The following CDK6 variants were observed in gnomAD, a reference collection of about 807,000 sequenced individuals.
CDK6 encodes the protein cyclin dependent kinase 6, also known as cyclin-dependent kinase 6.
Under a neutral mutation model 37.1 loss-of-function variants are expected in CDK6, and 6 were observed. The observed-to-expected ratio is 0.16, with a 90% confidence interval of 0.09 to 0.32. The LOEUF (loss-of-function observed/expected upper bound fraction) is 0.32, where lower values mean the gene tolerates loss of function less well. Among genes scored for constraint, CDK6 ranks in the 10% least tolerant of loss-of-function variants. CDK6 has a pLI of 1.00. For synonymous variants in CDK6, 160 were observed against 161.3 expected (o/e 0.99, Z 0.06); for missense variants, 224 against 418.9 (o/e 0.53, Z 4.06).
intron 4 of CDK6, among the ~76,000 whole-genome samples, chr7:92,697,633 C>T (rs547153495): frequency 6.6e-6 from 1 of 152,284 alleles, no homozygotes; most frequent in South Asian, 2.1e-4. Context: ...TCTACCACTG[C>T]AGAGAAGCCC....
intron 5 of CDK6, among the ~76,000 whole-genome samples, chr7:92,634,379 A>G (rs2116519746): frequency 6.6e-6 from 1 of 152,216 alleles, no homozygotes; most frequent in East Asian, 1.9e-4. Flanking sequence ...ATTCTGTTCC[A>G]TTAATGTCTG....
chr7:92,790,260 T>G (rs1287848888), intron 2 of CDK6, among the ~76,000 whole-genome samples: 1 of 152,142 alleles, frequency 6.6e-6, no homozygotes, highest in African/African-American at 2.4e-5. Context: ...TTTCCCCACA[T>G]GTTCAATCAA....
chr7:92,747,943 A>G (rs1236806022), intron 3 of CDK6, among the ~76,000 whole-genome samples: 1 of 152,256 alleles, frequency 6.6e-6, no homozygotes, highest in East Asian at 1.9e-4. Flanking sequence ...ATCAAATATT[A>G]GAACATTCTA....
chr7:92,729,058 T>C (rs1254030229), intron 3 of CDK6, among the ~76,000 whole-genome samples: 1 of 152,146 alleles, frequency 6.6e-6, no homozygotes, highest in Non-Finnish European at 1.5e-5. Flanking sequence ...TCATAAGATA[T>C]AGTCCCAATT....
chr7:92,678,720 C>T (rs1055095796), intron 4 of CDK6, among the ~76,000 whole-genome samples: 1 of 152,214 alleles, frequency 6.6e-6, no homozygotes, highest in Non-Finnish European at 1.5e-5. Flanking sequence ...GGTATGAACA[C>T]TGTGCTGGAT....
In CDK6 at chr7:92,615,119, C is replaced by T; in HGVS notation, c.*21G>A. On this transcript the variant is annotated 3_prime_UTR_variant, in exon 8 of 8. Transcript: ENST00000424848. ...CCAAGGGTGTTCTCCGCAGGATCAG[C>T]TTAAGGCGGCTGCTGAGGCCTCAGG... The T allele has an allele frequency of 6.2e-7, 1 of 1,612,862 alleles. No homozygotes were observed. Among genetic ancestry groups the T allele is most frequent in the South Asian group, 1.1e-5 (1 of 90,984 alleles).
intron 5 of CDK6, among the ~76,000 whole-genome samples, chr7:92,653,660 T>C (rs1796626450): frequency 6.6e-6 from 1 of 152,226 alleles, no homozygotes; most frequent in East Asian, 1.9e-4. Context: ...TTAATGATTT[T>C]CCCCCAAATA....
intron 4 of CDK6, among the ~76,000 whole-genome samples, chr7:92,704,838 AAG>A (rs368849843): frequency 3.9e-5 from 6 of 152,322 alleles, no homozygotes; most frequent in African/African-American, 1.2e-4. Context: ...GAATTTCTCT[AAG>A]GTATGTAACT....
intron 5 of CDK6, among the ~76,000 whole-genome samples, chr7:92,642,329 AG>A (rs1457403084): frequency 6.6e-6 from 1 of 152,098 alleles, no homozygotes; most frequent in Non-Finnish European, 1.5e-5. Flanking sequence ...GGTGGGATAT[AG>A]GGGGAGAGAT....
chr7:92,661,214 A>AAGTCAAAT (rs1796827584), intron 5 of CDK6, among the ~76,000 whole-genome samples: 2 of 152,314 alleles, frequency 1.3e-5, no homozygotes, highest in South Asian at 4.2e-4. Context: ...GAGGACTCTG[A>AAGTCAAAT]AGTCAAATAA....
Position 92,609,397 on chromosome 7 carries a change from A to C in CDK6, c.*5743T>G, listed in dbSNP as rs1795511397. Reference sequence around the variant, plus strand: ...AACTTCAAAAGTTAAGTATGTAGACACACTCCTAAGTTGTTATGCTCATAT... The same window carrying C: ...AACTTCAAAAGTTAAGTATGTAGACCCACTCCTAAGTTGTTATGCTCATAT... On this transcript the variant is annotated 3_prime_UTR_variant, in exon 8 of 8. Transcript: ENST00000424848. The C allele has an allele frequency of 4.3e-6, 1 of 230,716 alleles. No individual in the cohort carries two copies. The allele number at this position is 230,716 out of a possible 1,614,324, so 14.3% of individuals were successfully genotyped here.
At chr7:92,663,836 C>T (rs1174215877) in intron 5 of CDK6, among the ~76,000 whole-genome samples, 7 of 151,972 alleles carry the variant, frequency 4.6e-5, no homozygotes, top group Admixed American at 3.9e-4. Context: ...TGGATATTTC[C>T]TCACTCATAA....
At chr7:92,733,319 T>C (rs1307524503) in intron 3 of CDK6, among the ~76,000 whole-genome samples, 1 of 152,180 alleles carries the variant, frequency 6.6e-6, no homozygotes, top group African/African-American at 2.4e-5. Flanking sequence ...CCAGGAACCA[T>C]GGCTCATCCT....
At chr7:92,795,729 T>C (rs1800392532) in intron 2 of CDK6, among the ~76,000 whole-genome samples, 1 of 152,196 alleles carries the variant, frequency 6.6e-6, no homozygotes, top group African/African-American at 2.4e-5. Flanking sequence ...AGCCTATCTG[T>C]GTTTAAATGT....
intron 5 of CDK6, among the ~76,000 whole-genome samples, chr7:92,638,775 A>AC (rs991125280): frequency 8.6e-5 from 13 of 151,880 alleles, no homozygotes; most frequent in East Asian, 3.9e-4. Flanking sequence ...ATGTCTTTTG[A>AC]CCCCCCCAGA....
At chr7:92,672,184 G>GACACACACACACACACACAC (rs1175195840) in intron 4 of CDK6, among the ~76,000 whole-genome samples, 6 of 44,140 alleles carry the variant, frequency 1.4e-4, no homozygotes, top group Non-Finnish European at 2.2e-4. Context: ...CACACACACA[G>GACACACACACACACACACAC]ACACATACAC....
In CDK6 at chr7:92,833,180, C is replaced by A. The variant is rs748860173; in HGVS notation, c.144G>T (p.Gln48His). 6.2e-6 allele frequency: 10 copies of A among 1,609,448 alleles called. No individual in the cohort carries two copies. In the East Asian group the frequency reaches 2.2e-4, roughly 36 times the overall value. ...AGAGCGGCATGCCCTCCTCGCCGGT[C>A]TGCACCCGCACGCGCTTCAACGCCA... ...RFVALKRVRV[Q>H]TGEEGMPLST... Residue 48 changes from glutamine (Q) to histidine (H), a missense_variant, in exon 2 of 8, where the codon CAG becomes CAT. Gln to His is a conservative substitution (Grantham distance 24, BLOSUM62 0). Coordinates refer to ENST00000424848, the MANE Select transcript of CDK6 (RefSeq NM_001145306.2). This position sits in a 1 kb window ranked among gnomAD's most constrained non-coding sequence, Gnocchi z 6.1.
Position 92,608,974 on chromosome 7 carries a change from C to G in CDK6, c.*6166G>C. 1 of 233,092 alleles carries G rather than the reference C, an allele frequency of 4.3e-6. No homozygotes were observed. The allele number at this position is 233,092 out of a possible 1,614,324, so 14.4% of individuals were successfully genotyped here. A position where few individuals can be genotyped will look rare whatever the true frequency, so the allele number is the denominator to read the frequency against. On this transcript the variant is annotated 3_prime_UTR_variant, in exon 8 of 8. Transcript: ENST00000424848. ...CAGACTGGCCACTGTTATAACAAAC[C>G]CTGGGGTGGAATTCGGCCTTTCGCA...
rs1236224314 is a variant in CDK6, at chr7:92,609,825, G to T, written c.*5315C>A. 8.7e-6 allele frequency: 2 copies of T among 230,546 alleles called. No homozygotes were observed. The highest frequency in any genetic ancestry group is 2.2e-5 in the African/African-American group (1 of 45,208). The allele number at this position is 230,546 out of a possible 1,614,324, so 14.3% of individuals were successfully genotyped here. On this transcript the variant is annotated 3_prime_UTR_variant, in exon 8 of 8. Transcript: ENST00000424848. ...GTACTTCAAAAATTTTTTCTTGACT[G>T]AATGAATGACTAGGCTTTCTTTACT... is the stretch of plus-strand genomic sequence containing the variant.
Sources: allele counts gnomAD v4.1 joint callset (sites outside exome capture counted in the v4.1 genomes callset), GRCh38; gene constraint gnomAD v4.1.1; non-coding constraint Gnocchi (gnomAD v3.1); transcripts MANE v1.5; gene names NCBI Gene and HGNC (gene_info 2026-07-23, HGNC 2026-07-21).